MECR: variants seen among roughly 807,000 people sequenced by gnomAD.
MECR encodes the protein enoyl-[acyl-carrier-protein] reductase, mitochondrial.
A neutral mutation model predicts 49.1 loss-of-function variants in MECR; 37 were observed. That is an observed-to-expected ratio of 0.75 (90% CI 0.58 to 0.99). The LOEUF (loss-of-function observed/expected upper bound fraction) is 0.99. MECR is among the 50% of genes least tolerant of loss of function. The pLI, the probability that MECR is intolerant of heterozygous loss-of-function variation, is 0.00. For synonymous variants in MECR, 198 were observed against 191.1 expected (o/e 1.04, Z -0.30); for missense variants, 470 against 479.6 (o/e 0.98, Z 0.19).
At chr1:29,223,825 G>A (rs1030671687) in intron 1 of MECR, 1 of 152,200 alleles carries the variant, frequency 6.6e-6, no homozygotes, top group African/African-American at 2.4e-5. Context: ...CTCGCAGCTT[G>A]TAAGGGCCTG....
intron 3 of MECR, among the ~76,000 whole-genome samples, chr1:29,210,589 C>G (rs753789340): frequency 6.6e-6 from 1 of 152,146 alleles, no homozygotes; most frequent in Non-Finnish European, 1.5e-5. Context: ...AAATCCAACC[C>G]TTGATATGGA....
rs754665006 is a variant in MECR at position 29,197,714 on chromosome 1, G to A, written c.831-1456C>T. 8.1e-4 allele frequency among the ~76,000 whole-genome samples: 124 copies of A among 152,338 alleles called. 1 individual carries two copies. The highest frequency in any genetic ancestry group is 3.4e-3 in the Middle Eastern group (1 of 294). ...AAGTGCCCCTTGACTGCCACCTGCT[G>A]TAGAAAGTAGCTCCTGGGAGCCAAG... On this transcript the variant is annotated intron_variant, in intron 7 of 9. Coordinates refer to ENST00000263702, the MANE Select transcript of MECR (RefSeq NM_016011.5).
At chr1:29,190,095 C>G (rs1437954702), downstream of MECR, among the ~76,000 whole-genome samples, 1 of 152,162 alleles carries the variant, frequency 6.6e-6, no homozygotes, top group Non-Finnish European at 1.5e-5. Flanking sequence ...ATAGTCAAGG[C>G]CGGGCGCGGT....
At chr1:29,230,625 T>G in intron 1 of MECR, 106 bp downstream of exon 1, 1 of 1,411,902 alleles carries the variant, frequency 7.1e-7, no homozygotes, top group Non-Finnish European at 9.6e-7. Flanking sequence ...TTTGCTATTC[T>G]CTGCCCCCTT....
chr1:29,205,423 A>G (rs572085161), intron 4 of MECR, among the ~76,000 whole-genome samples: 23 of 151,282 alleles, frequency 1.5e-4, no homozygotes, highest in African/African-American at 3.9e-4. Flanking sequence ...ACCTCAAGTG[A>G]TCTGCCAGCT....
chr1:29,190,521 C>T (rs1434206547), downstream of MECR, among the ~76,000 whole-genome samples: 1 of 151,980 alleles, frequency 6.6e-6, no homozygotes, highest in Non-Finnish European at 1.5e-5. Flanking sequence ...GGGCAGGGCG[C>T]AGTGGCTTAC....
At chr1:29,182,381 A>G in the MECR span, among the ~76,000 whole-genome samples, 7 of 152,318 alleles carry the variant, frequency 4.6e-5, no homozygotes, top group African/African-American at 1.2e-4. Flanking sequence ...GAATACGTAC[A>G]TAAAGCACTT....
At chr1:29,219,298 C>A (rs1558491163) in intron 1 of MECR, among the ~76,000 whole-genome samples, 1 of 152,220 alleles carries the variant, frequency 6.6e-6, no homozygotes, top group Non-Finnish European at 1.5e-5. Context: ...TTTCACAGAT[C>A]ATCAGAGTTT....
the MECR span, among the ~76,000 whole-genome samples, chr1:29,182,310 CTT>C: frequency 6.6e-6 from 1 of 152,190 alleles, no homozygotes; most frequent in Non-Finnish European, 1.5e-5. Context: ...CCTCCTTTAT[CTT>C]TTCTGTAAAA....
chr1:29,216,571 A>T lies in MECR; in HGVS notation c.274+17T>A. On this transcript the variant is annotated intron_variant, in intron 2 of 9. Transcript: ENST00000263702. ...ACAAAAAAGCCAATTAACATAAGCC[A>T]CAGAAACCAAGGTTACCTTGGATCA... The T allele has an allele frequency of 6.2e-7, 1 of 1,613,372 alleles. No individual in the cohort carries two copies. Among genetic ancestry groups the T allele is most frequent in the East Asian group, 2.2e-5 (1 of 44,874 alleles).
At chr1:29,212,465 A>C (rs1157390134) in intron 3 of MECR, among the ~76,000 whole-genome samples, 1 of 152,166 alleles carries the variant, frequency 6.6e-6, no homozygotes, top group Non-Finnish European at 1.5e-5. Context: ...CCAGGGAAGA[A>C]TCCCTGTTCT....
intron 1 of MECR, among the ~76,000 whole-genome samples, chr1:29,219,995 T>A (rs1680365817): frequency 6.6e-6 from 1 of 152,198 alleles, no homozygotes; most frequent in Non-Finnish European, 1.5e-5. Context: ...ATCTCCTTGT[T>A]AGACTGTGAG....
At chr1:29,209,981 G>C (rs1677561544) in intron 3 of MECR, among the ~76,000 whole-genome samples, 1 of 151,974 alleles carries the variant, frequency 6.6e-6, no homozygotes, top group Admixed American at 6.6e-5. Context: ...GGGCTTTAGG[G>C]ACCAAGAACT....
the MECR span, among the ~76,000 whole-genome samples, chr1:29,176,105 A>G: frequency 6.6e-6 from 1 of 151,982 alleles, no homozygotes. Flanking sequence ...ACAAAAAATT[A>G]GCCGGGCGTG....
At chr1:29,206,954 A>G in intron 3 of MECR, 49 bp from the exon 4 acceptor site, 1 of 1,603,938 alleles carries the variant, frequency 6.2e-7, no homozygotes, top group South Asian at 1.1e-5. Flanking sequence ...CCCTGTGCAC[A>G]TTCAACCCCA....
downstream of MECR, among the ~76,000 whole-genome samples, chr1:29,190,603 GTCC>G (rs1469469519): frequency 1.3e-5 from 2 of 151,978 alleles, no homozygotes; most frequent in Non-Finnish European, 2.9e-5. Flanking sequence ...AGACCAGCCT[GTCC>G]AACATGGTGA....
chr1:29,224,554 T>C (rs1049522275), intron 1 of MECR: 1 of 152,198 alleles, frequency 6.6e-6, no homozygotes, highest in Non-Finnish European at 1.5e-5. Flanking sequence ...AGAAGGATGT[T>C]GAGGGCCCGT....
chr1:29,200,534 T>A lies in MECR; in HGVS notation c.812A>T (p.Glu271Val). 2 of 1,613,654 alleles carry A rather than the reference T, an allele frequency of 1.2e-6. No individual in the cohort carries two copies. Among genetic ancestry groups the A allele is most frequent in the Non-Finnish European group, 1.7e-6 (2 of 1,179,658 alleles). The change falls in exon 7 of 10, where the codon GAG becomes GTG. Residue 271 changes from glutamate to valine, a missense_variant. Transcript: ENST00000263702. ...LNCVGGKSSTELLRQLARGGT... is the reference protein window; with the variant it reads ...LNCVGGKSSTVLLRQLARGGT... ...GACTTACGCTAACTGCCGCAGCAGC[T>A]CTGTGGAGCTTTTCCCACCAACACA...
chr1:29,203,514 C>T (rs1475980416), intron 4 of MECR, among the ~76,000 whole-genome samples: 1 of 152,206 alleles, frequency 6.6e-6, no homozygotes, highest in African/African-American at 2.4e-5. Flanking sequence ...ATTTTATAGC[C>T]TTCGTCATCC....
Sources: gnomAD v4.1 joint callset for allele counts (sites outside exome capture counted in the v4.1 genomes callset) on GRCh38, gnomAD v4.1.1 for gene constraint, MANE v1.5 for transcripts, NCBI Gene and HGNC (gene_info 2026-07-23, HGNC 2026-07-21) for gene names.